Variants in ASH1L observed in about 807,000 individuals in gnomAD.
ASH1L encodes ASH1 like histone lysine methyltransferase.
A neutral mutation model predicts 269.0 loss-of-function variants in ASH1L; 23 were observed. That is an observed-to-expected ratio of 0.09 (90% CI 0.06 to 0.12). The LOEUF (loss-of-function observed/expected upper bound fraction) is 0.12, where lower values mean the gene tolerates loss of function less well. Among genes scored for constraint, ASH1L ranks in the 10% least tolerant of loss-of-function variants. The probability of loss-of-function intolerance (pLI) is 1.00; values close to 1 mark genes in which losing one functional copy is unlikely to be tolerated. For synonymous variants in ASH1L, 1,187 were observed against 1,253.5 expected (o/e 0.95, Z 1.12); for missense variants, 2,912 against 3,567.8 (o/e 0.82, Z 4.68).
intron 6 of ASH1L, among the ~76,000 whole-genome samples, chr1:155,411,578 AATAAATAAATATATAT>A (rs1426056675): frequency 9.5e-5 from 2 of 21,128 alleles, no homozygotes; most frequent in African/African-American, 2.6e-4. Context: ...AATATAAATA[AATAAATAAATATATAT>A]ATATATATAT....
At chr1:155,347,979 G>C (rs1653510892) in intron 19 of ASH1L, 75 bp from the exon 20 acceptor site, 3 of 1,581,304 alleles carry the variant, frequency 1.9e-6, no homozygotes, top group Non-Finnish European at 2.6e-6. Flanking sequence ...GAGGTAGCAA[G>C]GTAGCATGAC....
intron 2 of ASH1L, among the ~76,000 whole-genome samples, chr1:155,504,254 C>T (rs1472703445): frequency 6.6e-6 from 1 of 152,110 alleles, no homozygotes; most frequent in Non-Finnish European, 1.5e-5. Flanking sequence ...TATACACATA[C>T]GGAGAATCTT....
At chr1:155,487,616 G>A (rs1029921131) in intron 2 of ASH1L, among the ~76,000 whole-genome samples, 43 of 151,902 alleles carry the variant, frequency 2.8e-4, no homozygotes, top group Non-Finnish European at 4.6e-4. Context: ...CGAACTCCGG[G>A]GCTCAAGTGA....
intron 14 of ASH1L, 68 bp from the exon 15 acceptor site, chr1:155,357,478 T>G: frequency 6.3e-7 from 1 of 1,593,592 alleles, no homozygotes; most frequent in Non-Finnish European, 8.6e-7. Context: ...CCAAGAATAT[T>G]AAAACCACTC....
chr1:155,534,928 G>A (rs1208681820), intron 1 of ASH1L, among the ~76,000 whole-genome samples: 1 of 152,192 alleles, frequency 6.6e-6, no homozygotes, highest in Non-Finnish European at 1.5e-5. Flanking sequence ...GGTGGCTCAT[G>A]CCCATAACCT....
chr1:155,505,929 G>C (rs772030988), intron 2 of ASH1L, among the ~76,000 whole-genome samples: 50 of 152,076 alleles, frequency 3.3e-4, no homozygotes, highest in Non-Finnish European at 4.1e-4. Flanking sequence ...ATGTTGGTGT[G>C]CTGCACCCAT....
intron 1 of ASH1L, among the ~76,000 whole-genome samples, chr1:155,521,872 C>T (rs770957290): frequency 6.6e-6 from 1 of 152,124 alleles, no homozygotes; most frequent in Non-Finnish European, 1.5e-5. Flanking sequence ...TTAAGAATCA[C>T]CAAGAAGCTT....
chr1:155,373,781 C>T (rs752586044), intron 10 of ASH1L, among the ~76,000 whole-genome samples: 1 of 152,104 alleles, frequency 6.6e-6, no homozygotes, highest in Non-Finnish European at 1.5e-5. Flanking sequence ...GATTTTCTCA[C>T]CTCAGCCTCC....
At chr1:155,406,942 TAAAAGA>T (rs1659342432) in intron 6 of ASH1L, among the ~76,000 whole-genome samples, 1 of 151,928 alleles carries the variant, frequency 6.6e-6, no homozygotes, top group Non-Finnish European at 1.5e-5. Flanking sequence ...AAAAGACAGT[TAAAAGA>T]AAAAGATAAT....
At chr1:155,459,528 T>TA in intron 4 of ASH1L, among the ~76,000 whole-genome samples, 1 of 152,314 alleles carries the variant, frequency 6.6e-6, no homozygotes, top group South Asian at 2.1e-4. Flanking sequence ...AAATCTTTAT[T>TA]AAACAGCTAC....
intron 1 of ASH1L, among the ~76,000 whole-genome samples, chr1:155,550,469 G>A (rs1571138493): frequency 6.6e-6 from 1 of 152,094 alleles, no homozygotes; most frequent in African/African-American, 2.4e-5. Context: ...TCTGGTCCCT[G>A]GCTACCTCTT....
At chr1:155,520,950 C>A in intron 2 of ASH1L, 150 bp downstream of exon 2, 2 of 750,922 alleles carry the variant, frequency 2.7e-6, no homozygotes, top group African/African-American at 1.8e-5. Context: ...TTTGACAAGC[C>A]TTGGGGCTTA....
At chr1:155,491,585 T>C (rs1163857352) in intron 2 of ASH1L, among the ~76,000 whole-genome samples, 2 of 152,208 alleles carry the variant, frequency 1.3e-5, no homozygotes, top group African/African-American at 4.8e-5. Context: ...AATTTAAACA[T>C]AGTCTGATTT....
At chr1:155,474,830 C>A (rs1245918745) in intron 3 of ASH1L, among the ~76,000 whole-genome samples, 1 of 152,234 alleles carries the variant, frequency 6.6e-6, no homozygotes, top group African/African-American at 2.4e-5. Context: ...CTAATCTAAG[C>A]ACCATCATGT....
intron 2 of ASH1L, among the ~76,000 whole-genome samples, chr1:155,518,886 A>T (rs149376621): frequency 2.2e-4 from 33 of 152,148 alleles, no homozygotes; most frequent in Non-Finnish European, 3.7e-4. Flanking sequence ...CCTCATGAAG[A>T]CTCAGAGAAA....
At chr1:155,468,156 T>G (rs1329911309) in intron 3 of ASH1L, among the ~76,000 whole-genome samples, 1 of 152,064 alleles carries the variant, frequency 6.6e-6, no homozygotes, top group Non-Finnish European at 1.5e-5. Flanking sequence ...TCTCAGACTT[T>G]CCTTGTTTTT....
intron 4 of ASH1L, among the ~76,000 whole-genome samples, chr1:155,439,654 A>C (rs1247658045): frequency 2.0e-5 from 3 of 152,078 alleles, no homozygotes; most frequent in African/African-American, 7.2e-5. Flanking sequence ...GAGTCACTGC[A>C]CTCTAATCAG....
chr1:155,544,379 C>T (rs1327540900), intron 1 of ASH1L, among the ~76,000 whole-genome samples: 4 of 151,788 alleles, frequency 2.6e-5, no homozygotes, highest in Non-Finnish European at 4.4e-5. Flanking sequence ...CTCTGCCTCC[C>T]GGGTTCATGC....
chr1:155,556,203 A>G (rs897536126), intron 1 of ASH1L, among the ~76,000 whole-genome samples: 4 of 152,074 alleles, frequency 2.6e-5, no homozygotes, highest in Non-Finnish European at 5.9e-5. Context: ...GCAACACAGT[A>G]AGACTCTACC....
Sources: allele counts gnomAD v4.1 joint callset (sites outside exome capture counted in the v4.1 genomes callset), GRCh38; gene constraint gnomAD v4.1.1; transcripts MANE v1.5; gene names NCBI Gene and HGNC (gene_info 2026-07-23, HGNC 2026-07-21).